Variants in CDC25C observed in about 807,000 individuals in gnomAD.
The protein encoded by CDC25C is cell division cycle 25C.
Under a neutral mutation model 52.5 loss-of-function variants are expected in CDC25C, and 48 were observed. The ratio of observed to expected loss-of-function variants is 0.91; its 90% CI spans 0.72 to 1.16. The LOEUF is 1.16. CDC25C is among the 50% of genes most tolerant of loss of function. The pLI is 0.00. For missense variants in CDC25C, 510 were observed against 566.1 expected, an observed-to-expected ratio of 0.90 and a Z score of 1.01; for synonymous variants, 187 against 206.5, an observed-to-expected ratio of 0.91 and a Z score of 0.81.
chr5:138,286,537 C>T lies in CDC25C; in HGVS notation c.1120G>A (p.Val374Met), dbSNP rs149379419. 7.4e-5 allele frequency: 120 copies of T among 1,613,902 alleles called. No individual in the cohort carries two copies. The highest frequency in any genetic ancestry group is 1.7e-4 in the Admixed American group (10 of 59,976). Reference sequence around the variant, plus strand: ...TCTGAGGAGAATTCACAGTGGAACACGATGATTATTCTCTTCTGGGTGTCC... The same window carrying T: ...TCTGAGGAGAATTCACAGTGGAACATGATGATTATTCTCTTCTGGGTGTCC... ...PLDTQKRIII[V>M]FHCEFSSERG... The change falls in exon 12 of 14, where the codon GTG becomes ATG. Residue 374 changes from valine to methionine, a missense_variant. By Grantham distance (21) the Val-to-Met change is conservative. Transcript: ENST00000323760.
intron 7 of CDC25C, among the ~76,000 whole-genome samples, chr5:138,317,990 T>TC (rs1253851629): frequency 2.0e-4 from 31 of 152,338 alleles, no homozygotes; most frequent in African/African-American, 5.1e-4. Flanking sequence ...TAAGAAGATT[T>TC]CTGTAGTGAC....
intron 7 of CDC25C, among the ~76,000 whole-genome samples, chr5:138,295,796 G>A (rs1275796193): frequency 6.6e-6 from 1 of 152,108 alleles, no homozygotes; most frequent in Non-Finnish European, 1.5e-5. Flanking sequence ...GGTGTGGGAA[G>A]ATCCCAGGAT....
intron 11 of CDC25C, 149 bp from the exon 12 acceptor site, chr5:138,286,779 T>C (rs1298619042): frequency 1.5e-6 from 1 of 653,404 alleles, no homozygotes; most frequent in African/African-American, 1.8e-5. Context: ...AGTATATCTC[T>C]GTATATACCC....
intron 7 of CDC25C, among the ~76,000 whole-genome samples, chr5:138,317,155 T>C (rs918475459): frequency 1.1e-4 from 17 of 152,004 alleles, no homozygotes; most frequent in African/African-American, 4.1e-4. Context: ...CTCAGGAGGC[T>C]GAGGTGGGAG....
At chr5:138,297,177 C>T (rs1757275899) in intron 7 of CDC25C, among the ~76,000 whole-genome samples, 2 of 152,060 alleles carry the variant, frequency 1.3e-5, no homozygotes, top group African/African-American at 4.8e-5. Context: ...TGCCAAAGTG[C>T]TGGGATTACA....
At chr5:138,298,047 G>A (rs1334376834) in intron 7 of CDC25C, among the ~76,000 whole-genome samples, 1 of 151,352 alleles carries the variant, frequency 6.6e-6, no homozygotes, top group Non-Finnish European at 1.5e-5. Context: ...CATCCAGGCT[G>A]GAGTGCAGTG....
At chr5:138,303,127 G>C (rs1757758881) in intron 7 of CDC25C, among the ~76,000 whole-genome samples, 1 of 152,058 alleles carries the variant, frequency 6.6e-6, no homozygotes, top group Non-Finnish European at 1.5e-5. Flanking sequence ...TGGCAAACTA[G>C]GAAATAGAAG....
At chr5:138,326,389 C>T (rs998924346) in intron 4 of CDC25C, among the ~76,000 whole-genome samples, 4 of 151,912 alleles carry the variant, frequency 2.6e-5, no homozygotes, top group African/African-American at 7.3e-5. Flanking sequence ...CTCTGTCACT[C>T]AGGCTGGAGT....
At chr5:138,316,404 G>T (rs1356170018) in intron 7 of CDC25C, among the ~76,000 whole-genome samples, 2 of 152,186 alleles carry the variant, frequency 1.3e-5, no homozygotes, top group African/African-American at 2.4e-5. Context: ...GGGACTGAGG[G>T]TGGTCAGTGC....
chr5:138,322,577 G>A (rs1365238277), intron 6 of CDC25C, among the ~76,000 whole-genome samples: 7 of 144,122 alleles, frequency 4.9e-5, no homozygotes, highest in Non-Finnish European at 7.5e-5. Context: ...CCGGGTTCAC[G>A]CCATTCTCCT....
chr5:138,285,891 C>A (rs375010739), intron 13 of CDC25C, 50 bp from the exon 14 acceptor site: 316 of 1,595,844 alleles, frequency 2.0e-4, no homozygotes, highest in Non-Finnish European at 2.6e-4. Flanking sequence ...CTGAACTCTA[C>A]CTATGAAGGA....
At chr5:138,331,976 C>G (rs1760431829), upstream of CDC25C, 1 of 886,580 alleles carries the variant, frequency 1.1e-6, no homozygotes, top group South Asian at 5.2e-5. Flanking sequence ...AATGGTAAGA[C>G]TTGCCCCGCC....
chr5:138,291,133 A>AT (rs971704357), intron 8 of CDC25C, among the ~76,000 whole-genome samples: 36 of 150,984 alleles, frequency 2.4e-4, no homozygotes, highest in African/African-American at 4.9e-4. Flanking sequence ...TTTTTATTTT[A>AT]TTTTTTTTTA....
chr5:138,337,650 T>G (rs2126876483), intron 1 of CDC25C: 1 of 311,246 alleles, frequency 3.2e-6, no homozygotes, highest in Non-Finnish European at 6.2e-6. Flanking sequence ...AGTGGAAACG[T>G]CCCCGCAACC....
At chr5:138,291,798 A>T (rs1580710506) in intron 8 of CDC25C, among the ~76,000 whole-genome samples, 172 bp downstream of exon 8, 1 of 147,412 alleles carries the variant, frequency 6.8e-6, no homozygotes, top group Non-Finnish European at 1.5e-5. Context: ...ATATATATAT[A>T]TTTCACGTGG....
At chr5:138,324,518 G>T (rs1759700587) in intron 6 of CDC25C, among the ~76,000 whole-genome samples, 1 of 151,950 alleles carries the variant, frequency 6.6e-6, no homozygotes, top group African/African-American at 2.4e-5. Context: ...CCAGCACTTT[G>T]GGGGGCAGAG....
At chr5:138,326,460 G>C (rs919407392) in intron 4 of CDC25C, among the ~76,000 whole-genome samples, 1 of 151,832 alleles carries the variant, frequency 6.6e-6, no homozygotes, top group Non-Finnish European at 1.5e-5. Context: ...TCCTGCCTCA[G>C]CCTCCTGAGT....
intron 13 of CDC25C, 40 bp downstream of exon 13, chr5:138,285,982 A>C (rs1756179762): frequency 1.3e-6 from 2 of 1,555,880 alleles, no homozygotes; most frequent in South Asian, 1.1e-5. Context: ...CTGGGAGTTG[A>C]GTTGTTAAAG....
chr5:138,287,745 C>T (rs949007174), intron 10 of CDC25C, among the ~76,000 whole-genome samples: 3 of 152,230 alleles, frequency 2.0e-5, no homozygotes, highest in Non-Finnish European at 4.4e-5. Flanking sequence ...CAAATTGGTT[C>T]AGCCTTTCTG....
Sources: gnomAD v4.1 joint callset for allele counts (sites outside exome capture counted in the v4.1 genomes callset) on GRCh38, gnomAD v4.1.1 for gene constraint, MANE v1.5 for transcripts, NCBI Gene and HGNC (gene_info 2026-07-23, HGNC 2026-07-21) for gene names.